Variants in ADGRD1 observed in about 807,000 individuals in gnomAD.
ADGRD1 encodes the protein G-protein coupled receptor 133.
ADGRD1 carries 77 observed loss-of-function variants against 113.4 expected under a neutral mutation model. The observed-to-expected ratio is 0.68, with a 90% CI of 0.57 to 0.82. The LOEUF (loss-of-function observed/expected upper bound fraction) is 0.82. ADGRD1 is among the 40% of genes least tolerant of loss of function. ADGRD1 has a pLI of 0.00. For missense variants in ADGRD1, 1,036 were observed against 1,139.1 expected, an observed-to-expected ratio of 0.91 and a Z score of 1.30; for synonymous variants, 474 against 475.0, an observed-to-expected ratio of 1.00 and a Z score of 0.03.
At chr12:130,958,172 T>G (rs1164678558) in intron 2 of ADGRD1, 1 of 72,836 alleles carries the variant, frequency 1.4e-5, no homozygotes, top group Non-Finnish European at 2.5e-5. Flanking sequence ...TTTCCTTCCC[T>G]CCCTCCCCCC....
chr12:131,031,217 G>A (rs1178113298), intron 13 of ADGRD1, among the ~76,000 whole-genome samples: 1 of 152,170 alleles, frequency 6.6e-6, no homozygotes, highest in Non-Finnish European at 1.5e-5. Context: ...CCTGCGCCAT[G>A]TCATTTGTTG....
intron 11 of ADGRD1, among the ~76,000 whole-genome samples, chr12:131,005,542 G>C (rs566276206): frequency 6.6e-6 from 1 of 152,210 alleles, no homozygotes; most frequent in Non-Finnish European, 1.5e-5. Context: ...AATCCTCTGC[G>C]TGTGGAGGGC....
chr12:131,058,187 T>C (rs1566072307), intron 13 of ADGRD1, among the ~76,000 whole-genome samples: 2 of 152,234 alleles, frequency 1.3e-5, no homozygotes. Flanking sequence ...CTGGGTTTTT[T>C]ATTTCATAGC....
At chr12:131,054,828 G>C (rs571010518) in intron 13 of ADGRD1, among the ~76,000 whole-genome samples, 416 of 152,290 alleles carry the variant, frequency 2.7e-3, no homozygotes, top group Non-Finnish European at 4.2e-3. Context: ...GGCAGTTATA[G>C]AGCTCGCTTC....
chr12:131,017,516 A>C (rs111205257), intron 13 of ADGRD1, among the ~76,000 whole-genome samples: 2,782 of 144,892 alleles, frequency 0.019, 102 homozygotes, highest in African/African-American at 0.069. Context: ...ATCTACACCC[A>C]CCCAGCACAG....
At chr12:131,128,864 G>A (rs544453339) in intron 20 of ADGRD1, among the ~76,000 whole-genome samples, 12 of 151,342 alleles carry the variant, frequency 7.9e-5, no homozygotes, top group South Asian at 4.2e-4. Context: ...GGGTGTGGAC[G>A]GCAGCCCCAC....
Position 131,041,043 on chromosome 12 carries a change from C to G in ADGRD1, c.1473+26703C>G, listed in dbSNP as rs1385520730. 6.6e-6 allele frequency among the ~76,000 whole-genome samples: 1 copy of G among 152,316 alleles called. No homozygotes were observed. The highest frequency in any genetic ancestry group is 1.9e-4 in the East Asian group (1 of 5,188). On this transcript the variant is annotated intron_variant, in intron 13 of 24. Coordinates refer to ENST00000261654, the MANE Select transcript of ADGRD1 (RefSeq NM_198827.5). The surrounding 1 kb of genome is among the most constrained non-coding windows in gnomAD (Gnocchi z 4.4). ...TGCCATCATCCCCACCTGGATGGTC[C>G]CTGGGGACATCTGAGTTGTGACCTG...
rs202238025 is a variant in ADGRD1, at chr12:131,137,036, G to T, written c.2436+22G>T. 8 of 1,590,430 alleles carry T rather than the reference G, an allele frequency of 5.0e-6. No individual in the cohort carries two copies. In the Admixed American group the frequency reaches 1.3e-4, roughly 27 times the overall value. On this transcript the variant is annotated intron_variant, in intron 23 of 24. Coordinates refer to ENST00000261654, the MANE Select transcript of ADGRD1 (RefSeq NM_198827.5). ...AGAGGTACGTCCGCTCTGCTTGCTG[G>T]CAGGTGCAGGTGCAGCTGGCTTTTC... is the stretch of plus-strand genomic sequence containing the variant.
chr12:131,108,075 C>A (rs1029098959), intron 17 of ADGRD1, among the ~76,000 whole-genome samples: 1 of 152,200 alleles, frequency 6.6e-6, no homozygotes, highest in Non-Finnish European at 1.5e-5. Flanking sequence ...GTCCTGGGCA[C>A]CTGGGGCCTC....
intron 11 of ADGRD1, among the ~76,000 whole-genome samples, chr12:131,005,628 A>G (rs1338090728): frequency 6.6e-6 from 1 of 151,800 alleles, no homozygotes; most frequent in Non-Finnish European, 1.5e-5. Flanking sequence ...GTCTCCCTGC[A>G]GGGGCTCTGA....
At chr12:130,961,402 C>CCTCT (rs146176861) in intron 2 of ADGRD1, among the ~76,000 whole-genome samples, 4 of 150,570 alleles carry the variant, frequency 2.7e-5, no homozygotes, top group African/African-American at 9.8e-5. Flanking sequence ...TCTGCCCTTT[C>CCTCT]CTCTCTCTCT....
rs1407416721 is a variant in ADGRD1, at chr12:131,113,340, G to C, written c.2041+4463G>C. 6.6e-6 allele frequency among the ~76,000 whole-genome samples: 1 copy of C among 152,038 alleles called. No homozygotes were observed. Among genetic ancestry groups the C allele is most frequent in the Non-Finnish European group, 1.5e-5 (1 of 68,022 alleles). ...ACTTGTGCTGTCATTCTAGAAGTCA[G>C]CTCCCCAGTGATGTGGCTTCTTTGC... On this transcript the variant is annotated intron_variant, in intron 18 of 24. Transcript: ENST00000261654. The surrounding 1 kb of genome is among the most constrained non-coding windows in gnomAD (Gnocchi z 4.9).
chr12:130,963,486 C>T (rs989013578), intron 2 of ADGRD1, among the ~76,000 whole-genome samples: 1 of 152,160 alleles, frequency 6.6e-6, no homozygotes, highest in African/African-American at 2.4e-5. Context: ...ATCTCTCTCT[C>T]TTCTTCTCTC....
chr12:131,031,419 C>A (rs4759828), intron 13 of ADGRD1, among the ~76,000 whole-genome samples: 70,023 of 151,952 alleles, frequency 0.46, 16,795 homozygotes, highest in African/African-American at 0.59. Context: ...GAGTTCTGAC[C>A]TGTTGCTGGG....
intron 18 of ADGRD1, 38 bp from the exon 19 acceptor site, chr12:131,118,347 T>G (rs757929346): frequency 1.3e-6 from 2 of 1,531,274 alleles, no homozygotes; most frequent in Admixed American, 3.6e-5. Context: ...GGAAGAAAAC[T>G]GGAGCAAGTG....
At chr12:130,997,369 G>C (rs1453449241) in intron 8 of ADGRD1, among the ~76,000 whole-genome samples, 4 of 150,930 alleles carry the variant, frequency 2.7e-5, no homozygotes, top group Non-Finnish European at 4.4e-5. Flanking sequence ...TTCCCAGACG[G>C]GGTGGCTGCC....
intron 5 of ADGRD1, among the ~76,000 whole-genome samples, chr12:130,985,926 T>C (rs1370814574): frequency 9.7e-6 from 1 of 102,932 alleles, no homozygotes; most frequent in African/African-American, 2.7e-5. Context: ...TGGTTCTGTT[T>C]GTTCATTGTA....
At chr12:131,008,713 C>T (rs989329370) in intron 12 of ADGRD1, among the ~76,000 whole-genome samples, 10 of 152,184 alleles carry the variant, frequency 6.6e-5, no homozygotes, top group African/African-American at 2.2e-4. Flanking sequence ...TCAGCTTTTA[C>T]GGGTGCTCGT....
chr12:130,987,593 G>A, intron 6 of ADGRD1: 1 of 560,830 alleles, frequency 1.8e-6, no homozygotes. Flanking sequence ...GGGGTTTCAA[G>A]GTATATGTGA....
Sources: gnomAD v4.1 joint callset for allele counts (sites outside exome capture counted in the v4.1 genomes callset) on GRCh38, gnomAD v4.1.1 for gene constraint, Gnocchi (gnomAD v3.1) non-coding constraint, MANE v1.5 for transcripts, NCBI Gene and HGNC (gene_info 2026-07-23, HGNC 2026-07-21) for gene names.